Variants in KCND3 observed in about 807,000 individuals in gnomAD.
KCND3 encodes potassium voltage-gated channel subfamily D member 3, also known as A-type voltage-gated potassium channel KCND3.
Under a neutral mutation model 51.1 loss-of-function variants are expected in KCND3, and 9 were observed. The ratio of observed to expected loss-of-function variants is 0.18; its 90% confidence interval spans 0.11 to 0.31. The LOEUF (loss-of-function observed/expected upper bound fraction) is 0.31. KCND3 is among the 10% of genes least tolerant of loss of function. KCND3 has a pLI of 1.00. For missense variants in KCND3, 526 were observed against 903.8 expected, an observed-to-expected ratio of 0.58 and a Z score of 5.36; for synonymous variants, 349 against 368.0, an observed-to-expected ratio of 0.95 and a Z score of 0.59.
intron 3 of KCND3, 51 bp downstream of exon 3, chr1:111,786,893 G>A (rs764112439): frequency 6.2e-7 from 1 of 1,607,540 alleles, no homozygotes; most frequent in Non-Finnish European, 8.5e-7. Context: ...CCTGACTGGT[G>A]CTCCCCCGCA....
intron 2 of KCND3, among the ~76,000 whole-genome samples, chr1:111,941,892 C>T (rs1488597796): frequency 6.6e-6 from 1 of 152,218 alleles, no homozygotes; most frequent in Non-Finnish European, 1.5e-5. Context: ...CATCAGTCAG[C>T]CCATCAGAGG....
At chr1:111,940,543 G>A (rs1672466582) in intron 2 of KCND3, among the ~76,000 whole-genome samples, 1 of 152,162 alleles carries the variant, frequency 6.6e-6, no homozygotes. Context: ...TTGTAGATGT[G>A]TGGCATTCTC....
At chr1:111,861,689 G>T (rs1168795626) in intron 2 of KCND3, among the ~76,000 whole-genome samples, 1 of 152,186 alleles carries the variant, frequency 6.6e-6, no homozygotes, top group Non-Finnish European at 1.5e-5. Context: ...GGCAGAGCAG[G>T]GGTGGAGGTG....
At chr1:111,887,676 A>G (rs535070798) in intron 2 of KCND3, among the ~76,000 whole-genome samples, 10 of 152,342 alleles carry the variant, frequency 6.6e-5, no homozygotes, top group African/African-American at 2.2e-4. Flanking sequence ...CAGAGCAGAT[A>G]AACCAAGGGG....
chr1:111,900,586 G>A (rs1247548415), intron 2 of KCND3, among the ~76,000 whole-genome samples: 4 of 152,144 alleles, frequency 2.6e-5, no homozygotes, highest in Non-Finnish European at 4.4e-5. Context: ...TCTGTAAAAT[G>A]AGGAAAATAA....
intron 2 of KCND3, among the ~76,000 whole-genome samples, chr1:111,841,556 GTTAAATTCTCTGAGGTGTC>G (rs1174714144): frequency 2.6e-5 from 4 of 152,210 alleles, no homozygotes; most frequent in South Asian, 2.1e-4. Context: ...CTCAGAGCAA[GTTAAATTCTCTGAGGTGTC>G]TTAAATTCTC....
At chr1:111,976,463 T>C (rs978045818) in intron 2 of KCND3, among the ~76,000 whole-genome samples, 1 of 152,170 alleles carries the variant, frequency 6.6e-6, no homozygotes, top group African/African-American at 2.4e-5. Context: ...CAGAAGATGG[T>C]TATCAAATGA....
Position 111,981,714 on chromosome 1 carries a change from A to T in KCND3, c.1013T>A (p.Val338Glu), listed in dbSNP as rs1571939827. 6.2e-7 allele frequency: 1 copy of T among 1,614,132 alleles called. No individual in the cohort carries two copies. Among genetic ancestry groups the T allele is most frequent in the East Asian group, 2.2e-5 (1 of 44,860 alleles). The change falls in exon 2 of 8, where the codon GTG (valine) becomes GAG (glutamate). Residue 338 changes from valine (V) to glutamate (E), a missense_variant. Coordinates refer to ENST00000302127, the MANE Select transcript of KCND3 (RefSeq NM_001378969.1). This position sits in a 1 kb window ranked among gnomAD's most constrained non-coding sequence, Gnocchi z 6.2. ...GGAGCCCTTCTCGGCATAAAACATCACAGTGGCAAAGATGATGATGGCCAT... is the reference window on the plus strand; with the variant it reads ...GGAGCCCTTCTCGGCATAAAACATCTCAGTGGCAAAGATGATGATGGCCAT... ...LTMAIIIFAT[V>E]MFYAEKGSSA...
chr1:111,880,271 ATG>A (rs1351014596), intron 2 of KCND3, among the ~76,000 whole-genome samples: 2 of 152,196 alleles, frequency 1.3e-5, no homozygotes, highest in Non-Finnish European at 2.9e-5. Flanking sequence ...TTCCTGAGAC[ATG>A]GTCTTGGTCC....
rs180839748 is a variant in KCND3, at chr1:111,816,611, C to T, written c.1107-29505G>A. The stretch of plus-strand genomic sequence containing the variant: ...TGGGGGAATTCCTACTGTGGGTGGG[C>T]GCTTCTACTGTGTCTTCATTCCTCA... On this transcript the variant is annotated intron_variant, in intron 2 of 7. Transcript: ENST00000302127. Among the ~76,000 whole-genome samples, 658 of 152,280 alleles carry T rather than the reference C, an allele frequency of 4.3e-3. 4 individuals are homozygous for T. Among genetic ancestry groups the T allele is most frequent in the African/African-American group, 0.01 (424 of 41,548 alleles).
intron 3 of KCND3, among the ~76,000 whole-genome samples, chr1:111,785,222 A>G (rs1664554815): frequency 6.6e-6 from 1 of 152,178 alleles, no homozygotes; most frequent in African/African-American, 2.4e-5. Context: ...TGTCAGCTCT[A>G]GCCCCTTGGG....
At chr1:111,932,641 C>A (rs538962610) in intron 2 of KCND3, among the ~76,000 whole-genome samples, 7 of 152,316 alleles carry the variant, frequency 4.6e-5, no homozygotes, top group African/African-American at 1.7e-4. Flanking sequence ...CTTTTTGTGA[C>A]TTGTTTATTT....
chr1:111,937,743 C>T (rs1672292468), intron 2 of KCND3, among the ~76,000 whole-genome samples: 2 of 152,210 alleles, frequency 1.3e-5, no homozygotes, highest in Admixed American at 6.5e-5. Context: ...GGGACAGGCC[C>T]TTAGCTGGAA....
At chr1:111,941,076 A>G (rs1672494528) in intron 2 of KCND3, among the ~76,000 whole-genome samples, 1 of 152,188 alleles carries the variant, frequency 6.6e-6, no homozygotes, top group Non-Finnish European at 1.5e-5. Context: ...GGGAAGAAGA[A>G]AGGAAGACTG....
At chr1:111,938,286 C>A (rs1186627772) in intron 2 of KCND3, among the ~76,000 whole-genome samples, 2 of 152,196 alleles carry the variant, frequency 1.3e-5, no homozygotes, top group Admixed American at 1.3e-4. Flanking sequence ...CCCATTCATT[C>A]TCATATTCAA....
chr1:111,930,301 CAT>C (rs936263834), intron 2 of KCND3, among the ~76,000 whole-genome samples: 72 of 152,232 alleles, frequency 4.7e-4, no homozygotes, highest in Middle Eastern at 6.8e-3. Context: ...AAGGGGGTCT[CAT>C]ATACTGCACA....
intron 2 of KCND3, among the ~76,000 whole-genome samples, chr1:111,927,331 T>C (rs1671750985): frequency 6.6e-6 from 1 of 152,214 alleles, no homozygotes; most frequent in South Asian, 2.1e-4. Flanking sequence ...GCCTGGTATC[T>C]AGGCCTCAGT....
intron 2 of KCND3, among the ~76,000 whole-genome samples, chr1:111,862,072 T>C (rs1210461091): frequency 1.3e-5 from 2 of 152,210 alleles, no homozygotes; most frequent in Non-Finnish European, 2.9e-5. Flanking sequence ...CGAGGGCTTT[T>C]ATAGTGCAGG....
chr1:111,899,759 T>C (rs1557706724), intron 2 of KCND3, among the ~76,000 whole-genome samples: 2 of 152,200 alleles, frequency 1.3e-5, no homozygotes, highest in Admixed American at 1.3e-4. Flanking sequence ...GGAACAGAGC[T>C]GGACACTCCT....
Sources: allele counts gnomAD v4.1 joint callset (sites outside exome capture counted in the v4.1 genomes callset), GRCh38; gene constraint gnomAD v4.1.1; non-coding constraint Gnocchi (gnomAD v3.1); transcripts MANE v1.5; gene names NCBI Gene and HGNC (gene_info 2026-07-23, HGNC 2026-07-21).